The following RABEP2 variants were observed in gnomAD, a reference collection of about 807,000 sequenced individuals.
RABEP2 encodes the protein rabaptin, RAB GTPase binding effector protein 2, also known as rab GTPase-binding effector protein 2.
Under a neutral mutation model 74.1 loss-of-function variants are expected in RABEP2, and 57 were observed. The observed-to-expected ratio is 0.77, with a 90% confidence interval of 0.62 to 0.96. RABEP2 has a LOEUF of 0.96. Ranked by LOEUF, RABEP2 falls within the 40% of genes least tolerant of loss-of-function variation. The pLI is 0.00. For synonymous variants in RABEP2, 351 were observed against 344.0 expected, an observed-to-expected ratio of 1.02 and a Z score of -0.23; for missense variants, 692 against 756.3, an observed-to-expected ratio of 0.91 and a Z score of 1.00.
chr16:28,924,793 T>C (rs1279345043), intron 1 of RABEP2, 178 bp from the exon 2 acceptor site: 2 of 603,090 alleles, frequency 3.3e-6, no homozygotes, highest in Non-Finnish European at 6.0e-6. Context: ...TGCCGGGTGC[T>C]GCCTACACTC....
chr16:28,906,112 T>C lies in RABEP2; in HGVS notation c.1330A>G (p.Ile444Val). Residue 444 changes from isoleucine (I) to valine (V), a missense_variant, in exon 9 of 13, where the codon ATC (isoleucine) becomes GTC (valine). Transcript: ENST00000358201. Reference sequence around the variant, plus strand: ...GCCTCCCGCAGCGTCACGATCTCGATCCGCAGGCGCTCGGCCCCGTGCTCC... The same window carrying C: ...GCCTCCCGCAGCGTCACGATCTCGACCCGCAGGCGCTCGGCCCCGTGCTCC... ...AQEHGAERLR[I>V]EIVTLREALE... 2 of 1,584,754 alleles carry C rather than the reference T, an allele frequency of 1.3e-6. No homozygotes were observed. Among genetic ancestry groups the C allele is most frequent in the Non-Finnish European group, 1.7e-6 (2 of 1,168,102 alleles).
chr16:28,909,028 T>TAC (rs888783202), intron 7 of RABEP2, among the ~76,000 whole-genome samples: 103 of 148,756 alleles, frequency 6.9e-4, no homozygotes, highest in Non-Finnish European at 1.0e-3. Context: ...TATATACACA[T>TAC]ACACACACAC....
rs1412457545 is a variant in RABEP2 at position 28,910,879 on chromosome 16, G to A, written c.1089+9C>T. On this transcript the variant is annotated intron_variant, in intron 7 of 12. Coordinates refer to ENST00000358201, the MANE Select transcript of RABEP2 (RefSeq NM_024816.3). ...TCGCCCTCCTGCCCTAGGGCCCCCA[G>A]GTACTCACCATCTGCAGCTGCACCC... The A allele has an allele frequency of 3.7e-6, 6 of 1,607,044 alleles. No individual in the cohort carries two copies. The highest frequency in any genetic ancestry group is 4.2e-6 in the Non-Finnish European group (5 of 1,177,366).
chr16:28,920,848 C>A (rs549184490), intron 2 of RABEP2, among the ~76,000 whole-genome samples: 6 of 151,774 alleles, frequency 4.0e-5, no homozygotes, highest in Non-Finnish European at 7.4e-5. Context: ...CCTCTCCCCC[C>A]ACCCCACCAC....
At chr16:28,905,126 G>T in intron 12 of RABEP2, 82 bp from the exon 13 acceptor site, 1 of 1,240,966 alleles carries the variant, frequency 8.1e-7, no homozygotes, top group Non-Finnish European at 1.1e-6. Context: ...CAAGGGCGGG[G>T]CCTGGTACCA....
At chr16:28,918,571 C>T (rs1279577468) in intron 3 of RABEP2, among the ~76,000 whole-genome samples, 4 of 151,786 alleles carry the variant, frequency 2.6e-5, no homozygotes, top group Non-Finnish European at 5.9e-5. Flanking sequence ...GTCGAGATTG[C>T]GCCACTGTAC....
chr16:28,924,328 GC>G, intron 2 of RABEP2, 74 bp downstream of exon 2: 4 of 1,414,460 alleles, frequency 2.8e-6, no homozygotes, highest in Non-Finnish European at 3.9e-6. Context: ...GCTTATCTGT[GC>G]CCCCAATCCC....
At chr16:28,919,702 C>T (rs1286999145) in intron 3 of RABEP2, 84 bp downstream of exon 3, 4 of 1,468,684 alleles carry the variant, frequency 2.7e-6, no homozygotes, top group South Asian at 1.3e-5. Context: ...GTGCCCCGCA[C>T]CCCATGACCA....
intron 2 of RABEP2, 80 bp downstream of exon 2, chr16:28,924,323 T>A (rs1964505619): frequency 1.4e-6 from 2 of 1,394,696 alleles, no homozygotes; most frequent in Non-Finnish European, 2.0e-6. Context: ...CCATAGCTTA[T>A]CTGTGCCCCC....
intron 2 of RABEP2, among the ~76,000 whole-genome samples, chr16:28,921,640 A>T (rs1178126412): frequency 7.1e-6 from 1 of 141,432 alleles, no homozygotes; most frequent in Non-Finnish European, 1.5e-5. Context: ...TGTTGGATAG[A>T]ACATAGATTT....
intron 3 of RABEP2, among the ~76,000 whole-genome samples, chr16:28,918,637 A>G (rs1483661371): frequency 1.3e-5 from 2 of 151,966 alleles, no homozygotes. Context: ...ATAAATAAAT[A>G]AAACCAGTCT....
chr16:28,920,410 G>T (rs1477933194), intron 2 of RABEP2, among the ~76,000 whole-genome samples: 1 of 149,922 alleles, frequency 6.7e-6, no homozygotes. Flanking sequence ...TTTTGAGACA[G>T]AGTCTCACTC....
chr16:28,917,886 T>C (rs367581882), intron 3 of RABEP2: 7 of 152,226 alleles, frequency 4.6e-5, no homozygotes, highest in Non-Finnish European at 8.8e-5. Flanking sequence ...TGTCTTCATC[T>C]TTCTTTCTAA....
At chr16:28,918,440 C>T (rs1964425249) in intron 3 of RABEP2, among the ~76,000 whole-genome samples, 1 of 151,910 alleles carries the variant, frequency 6.6e-6, no homozygotes, top group South Asian at 2.1e-4. Flanking sequence ...CGGTGAAACC[C>T]CGTCGCTACT....
intron 3 of RABEP2, among the ~76,000 whole-genome samples, chr16:28,918,753 G>C (rs768340496): frequency 6.6e-6 from 1 of 151,934 alleles, no homozygotes; most frequent in Non-Finnish European, 1.5e-5. Context: ...TCTGGCTCAA[G>C]TGATCCTCCC....
chr16:28,906,787 A>AAAC (rs573304122), intron 8 of RABEP2, among the ~76,000 whole-genome samples: 81 of 150,966 alleles, frequency 5.4e-4, no homozygotes, highest in Middle Eastern at 3.4e-3. Context: ...AAACAAAAAC[A>AAAC]AACAACAACA....
rs980344199 is a variant in RABEP2, at chr16:28,904,620, C to G, written c.*323G>C. 1.9e-6 allele frequency: 2 copies of G among 1,035,824 alleles called. No homozygotes were observed. The highest frequency in any genetic ancestry group is 2.6e-6 in the Non-Finnish European group (2 of 759,012). 64.2% of individuals were successfully genotyped at this position (1,035,824 alleles called of 1,614,324 possible). ...CCAGCCCCCATGGCTCCGCTGTGCC[C>G]TGGGCAGGGGACGGGCTGGGGGCAG... On this transcript the variant is annotated 3_prime_UTR_variant, in exon 13 of 13. Transcript: ENST00000358201.
chr16:28,924,403 CT>C lies in RABEP2; in HGVS notation c.273del (p.Asp92ThrfsTer13). ...EEVASLQAIL[K>X]DSISSYEAQI... The stretch of plus-strand genomic sequence containing the variant: ...AGTCTAGGTGAGTCCCGCGTCTCAC[CT>C]TTCAGGATGGCCTGCAGCGAGGCCA... On this transcript the variant is annotated frameshift_variant and splice_region_variant, in exon 2 of 13. Coordinates refer to ENST00000358201, the MANE Select transcript of RABEP2 (RefSeq NM_024816.3). LOFTEE classifies it high-confidence loss of function. 3 of 1,611,836 alleles carry C rather than the reference CT, an allele frequency of 1.9e-6. No individual in the cohort carries two copies.
chr16:28,920,346 G>A (rs909315930), intron 2 of RABEP2, among the ~76,000 whole-genome samples: 5 of 149,182 alleles, frequency 3.4e-5, no homozygotes, highest in African/African-American at 2.5e-5. Context: ...ATTTAAGAAC[G>A]GTAAGAATTT....
Sources: allele counts gnomAD v4.1 joint callset (sites outside exome capture counted in the v4.1 genomes callset), GRCh38; gene constraint gnomAD v4.1.1; transcripts MANE v1.5; gene names NCBI Gene and HGNC (gene_info 2026-07-23, HGNC 2026-07-21).